TBCD: variants seen among roughly 807,000 people sequenced by gnomAD.
The protein encoded by TBCD is tubulin-specific chaperone D.
TBCD carries 105 observed loss-of-function variants against 169.3 expected under a neutral mutation model. The ratio of observed to expected loss-of-function variants is 0.62; its 90% CI spans 0.53 to 0.73. The LOEUF is 0.73. TBCD is among the 30% of genes least tolerant of loss of function. TBCD has a pLI of 0.00. For missense variants in TBCD, 1,444 were observed against 1,600.1 expected, an observed-to-expected ratio of 0.90 and a Z score of 1.66; for synonymous variants, 700 against 643.9, an observed-to-expected ratio of 1.09 and a Z score of -1.32.
intron 7 of TBCD, among the ~76,000 whole-genome samples, chr17:82,787,336 C>T (rs946235976): frequency 2.0e-5 from 3 of 152,244 alleles, no homozygotes; most frequent in Admixed American, 6.5e-5. Context: ...ATGAAACTGC[C>T]GTGAAGCAAC....
At chr17:82,762,763 G>T (rs2047831237) in intron 2 of TBCD, among the ~76,000 whole-genome samples, 1 of 151,536 alleles carries the variant, frequency 6.6e-6, no homozygotes, top group South Asian at 2.1e-4. Context: ...AAAAAAAAAA[G>T]TGTGTGACTC....
rs1259687778 is a variant in TBCD, at chr17:82,937,905, A to G, written c.3282-144A>G. 7.2e-6 allele frequency: 11 copies of G among 1,530,626 alleles called. No homozygotes were observed. In the South Asian group the frequency reaches 1.3e-4, roughly 18 times the overall value. 94.8% of individuals were successfully genotyped at this position (1,530,626 alleles called of 1,614,324 possible). On this transcript the variant is annotated intron_variant, in intron 35 of 38. Transcript: ENST00000355528. Reference sequence around the variant, plus strand: ...ACAGTGCAGATGTACGCACACACACACCTCCGGCTTGGGGCCCCAGGCCCG... The same window carrying G: ...ACAGTGCAGATGTACGCACACACACGCCTCCGGCTTGGGGCCCCAGGCCCG...
Position 82,907,616 on chromosome 17 carries a change from C to T in TBCD, c.1923-145C>T, listed in dbSNP as rs928606666. The T allele has an allele frequency of 1.1e-5, 9 of 823,878 alleles. No homozygotes were observed. The African/African-American group carries it at 1.5e-4, about 14-fold the overall frequency. The allele number at this position is 823,878 out of a possible 1,614,324, so 51.0% of individuals were successfully genotyped here. Reference sequence around the variant, plus strand: ...TCTCTGGGACCCACTGGGACCTGAACAAGAATGAGACCTTGCTGAGCCTAT... The same window carrying T: ...TCTCTGGGACCCACTGGGACCTGAATAAGAATGAGACCTTGCTGAGCCTAT... On this transcript the variant is annotated intron_variant, in intron 20 of 38. Transcript: ENST00000355528.
In TBCD at chr17:82,780,091, C is replaced by CA. The variant is rs201185253; in HGVS notation, c.639-1498_639-1497insA. Among the ~76,000 whole-genome samples, 1,521 of 152,296 alleles carry CA rather than the reference C, an allele frequency of 1.0e-2. 21 individuals carry two copies. The highest frequency in any genetic ancestry group is 0.035 in the African/African-American group (1,446 of 41,560). ...AGGCTTGGCCAGTACTGGTCCTGTC[C>CA]CCAGCACCTCTCCCACTCGGCTGCT... On this transcript the variant is annotated intron_variant, in intron 6 of 38. Coordinates refer to ENST00000355528, the MANE Select transcript of TBCD (RefSeq NM_005993.5).
rs774933376 is a variant in TBCD at position 82,911,773 on chromosome 17, G to A, written c.2022G>A (p.Gln674=). Reference sequence around the variant, plus strand: ...TCCTTTTCAGGGGTCTGGGAGGACAGCTCATGAGACAAGCAGGTAAGTCTG... The same window carrying A: ...TCCTTTTCAGGGGTCTGGGAGGACAACTCATGAGACAAGCAGGTAAGTCTG... The part of the protein sequence containing the change: ...DRQLYRGLGG[Q]LMRQAVCVLI... The change falls in exon 23 of 39, where the codon CAG becomes CAA. Residue 674 remains glutamine (Q), a synonymous_variant. Coordinates refer to ENST00000355528, the MANE Select transcript of TBCD (RefSeq NM_005993.5). 3.1e-6 allele frequency: 5 copies of A among 1,613,926 alleles called. No individual in the cohort carries two copies. Among genetic ancestry groups the A allele is most frequent in the Non-Finnish European group, 4.2e-6 (5 of 1,179,866 alleles).
chr17:82,832,862 TGAAA>T lies in TBCD; in HGVS notation c.1318+17931_1318+17934del, dbSNP rs2053639847. On this transcript the variant is annotated intron_variant, in intron 13 of 38. Coordinates refer to ENST00000355528, the MANE Select transcript of TBCD (RefSeq NM_005993.5). This position sits in a 1 kb window ranked among gnomAD's most constrained non-coding sequence, Gnocchi z 4.9. ...TGTTTTCTGTTTTCTGAGTCTGATC[TGAAA>T]GAGTCACCTCGGGGCCTAGAGGTGG... Among the ~76,000 whole-genome samples the T allele has an allele frequency of 6.6e-6, 1 of 152,204 alleles. No homozygotes were observed.
At chr17:82,834,636 A>G (rs547009713) in intron 13 of TBCD, among the ~76,000 whole-genome samples, 2 of 149,056 alleles carry the variant, frequency 1.3e-5, no homozygotes, top group Middle Eastern at 3.4e-3. Context: ...CCAAACGTGC[A>G]TGGTCTCACC....
intron 13 of TBCD, among the ~76,000 whole-genome samples, chr17:82,849,740 G>A (rs1035530264): frequency 6.6e-6 from 1 of 152,238 alleles, no homozygotes; most frequent in African/African-American, 2.4e-5. Flanking sequence ...ATGCGACCAT[G>A]GTGGCTTTGC....
In TBCD at chr17:82,862,919, C is replaced by T. The variant is rs141922014; in HGVS notation, c.1319-7305C>T. Reference sequence around the variant, plus strand: ...GCTGCCGGCGTGCGGGTGTGACTGTCGATGAGAGCTCTGAGCTGGGATATC... The same window carrying T: ...GCTGCCGGCGTGCGGGTGTGACTGTTGATGAGAGCTCTGAGCTGGGATATC... On this transcript the variant is annotated intron_variant, in intron 13 of 38. Transcript: ENST00000355528. Among the ~76,000 whole-genome samples the T allele has an allele frequency of 1.4e-4, 22 of 152,282 alleles. No homozygotes were observed. The East Asian group carries it at 3.9e-3, about 27-fold the overall frequency.
chr17:82,904,833 T>A (rs985164992), intron 19 of TBCD, among the ~76,000 whole-genome samples: 2 of 152,138 alleles, frequency 1.3e-5, no homozygotes, highest in African/African-American at 4.8e-5. Flanking sequence ...TCCCCTACTT[T>A]TCAGTGATAA....
chr17:82,872,472 C>T (rs904918201), intron 14 of TBCD, among the ~76,000 whole-genome samples: 2 of 152,144 alleles, frequency 1.3e-5, no homozygotes, highest in African/African-American at 4.8e-5. Flanking sequence ...GGCTTTAGGC[C>T]CCTGCCGAGC....
At chr17:82,766,108 G>A (rs1024853153) in intron 3 of TBCD, among the ~76,000 whole-genome samples, 159 bp from the exon 4 acceptor site, 8 of 152,182 alleles carry the variant, frequency 5.3e-5, no homozygotes, top group Admixed American at 2.6e-4. Context: ...CTTTCTTGGG[G>A]TGACTACGGT....
chr17:82,862,731 G>A (rs750114822), intron 13 of TBCD, among the ~76,000 whole-genome samples: 2 of 152,230 alleles, frequency 1.3e-5, no homozygotes, highest in East Asian at 1.9e-4. Flanking sequence ...GTCTTCTGCC[G>A]TGAGTTGGCC....
rs374227498 is a variant in TBCD at position 82,831,956 on chromosome 17, C to G, written c.1318+17022C>G. 1.9e-6 allele frequency: 3 copies of G among 1,613,954 alleles called. No homozygotes were observed. The highest frequency in any genetic ancestry group is 2.2e-5 in the East Asian group (1 of 44,870). On this transcript the variant is annotated intron_variant, in intron 13 of 38. Coordinates refer to ENST00000355528, the MANE Select transcript of TBCD (RefSeq NM_005993.5). This position sits in a 1 kb window ranked among gnomAD's most constrained non-coding sequence, Gnocchi z 4.6. ...TTGTCTGGCCCCTTGAGTCTGTGCT[C>G]GCCGACTGGAACAAATGCAGAAGGC...
chr17:82,938,519 A>C (rs1380184310), intron 36 of TBCD, among the ~76,000 whole-genome samples: 5 of 152,210 alleles, frequency 3.3e-5, no homozygotes, highest in Non-Finnish European at 7.3e-5. Context: ...TGCAAAAAAA[A>C]CCTCAGATGA....
Position 82,929,195 on chromosome 17 carries a change from C to T in TBCD, c.2776C>T (p.Leu926=). The change falls in exon 31 of 39, where the codon CTG becomes TTG. Residue 926 remains leucine (L), a synonymous_variant. Transcript: ENST00000355528. The stretch of plus-strand genomic sequence containing the variant: ...CCGTGCTCACGCCGCCAGCGTGTTC[C>T]TGACGCTCCTGCACTTTGACAGCCC... ...RFRAHAASVF[L]TLLHFDSPPI... 1 of 1,613,962 alleles carries T rather than the reference C, an allele frequency of 6.2e-7. No homozygotes were observed. Among genetic ancestry groups the T allele is most frequent in the South Asian group, 1.1e-5 (1 of 91,084 alleles).
At position 82,752,335 on chromosome 17, in the gene TBCD, G is replaced by A. The variant is rs1366788831; in HGVS notation, c.142G>A (p.Gly48Ser). The A allele has an allele frequency of 2.8e-6, 4 of 1,425,208 alleles. No homozygotes were observed. The highest frequency in any genetic ancestry group is 3.6e-6 in the Non-Finnish European group (4 of 1,101,946). The allele number at this position is 1,425,208 out of a possible 1,614,324, so 88.3% of individuals were successfully genotyped here. A position where few individuals can be genotyped will look rare whatever the true frequency, so the allele number is the denominator to read the frequency against. ...ALLGRLREVHGGGAEREVALE... is the reference protein window; with the variant it reads ...ALLGRLREVHSGGAEREVALE... Reference sequence around the variant, plus strand: ...GCTGGGCCGCCTGCGGGAGGTGCACGGCGGCGGCGCGGAGCGCGAGGTGGC... The same window carrying A: ...GCTGGGCCGCCTGCGGGAGGTGCACAGCGGCGGCGCGGAGCGCGAGGTGGC... Residue 48 changes from glycine (G) to serine (S), a missense_variant, in exon 1 of 39, where the codon GGC becomes AGC. By Grantham distance (56) the Gly-to-Ser change is moderately conservative. Coordinates refer to ENST00000355528, the MANE Select transcript of TBCD (RefSeq NM_005993.5).
chr17:82,753,018 C>G (rs541189417), intron 1 of TBCD, among the ~76,000 whole-genome samples: 264 of 152,282 alleles, frequency 1.7e-3, no homozygotes, highest in Non-Finnish European at 3.1e-3. Context: ...TCTAAATTCT[C>G]CGAGTTCAGA....
chr17:82,905,950 C>G lies in TBCD; in HGVS notation c.1819C>G (p.Leu607Val), dbSNP rs1329900832. The change falls in exon 20 of 39, where the codon CTG becomes GTG. Residue 607 changes from leucine (L) to valine (V), a missense_variant. Transcript: ENST00000355528. ...GTCTCTTGCAGTCTTCCCGAGGCTGCTGTCCATGACACTGAGTCCAGATCT... is the reference window on the plus strand; with the variant it reads ...GTCTCTTGCAGTCTTCCCGAGGCTGGTGTCCATGACACTGAGTCCAGATCT... ...FSATQVFPRL[L>V]SMTLSPDLHM... 6.2e-7 allele frequency: 1 copy of G among 1,612,374 alleles called. No individual in the cohort carries two copies. The highest frequency in any genetic ancestry group is 2.2e-5 in the East Asian group (1 of 44,842).
Sources: gnomAD v4.1 joint callset for allele counts (sites outside exome capture counted in the v4.1 genomes callset) on GRCh38, gnomAD v4.1.1 for gene constraint, Gnocchi (gnomAD v3.1) non-coding constraint, MANE v1.5 for transcripts, NCBI Gene and HGNC (gene_info 2026-07-23, HGNC 2026-07-21) for gene names.